The following PRRC2B variants were observed in gnomAD, a reference collection of about 807,000 sequenced individuals.
The protein encoded by PRRC2B is protein PRRC2B.
In PRRC2B, 68 loss-of-function variants were observed where a neutral mutation model predicts 242.3. The observed-to-expected ratio is 0.28, with a 90% confidence interval of 0.23 to 0.34. PRRC2B has a LOEUF of 0.34. PRRC2B is among the 10% of genes least tolerant of loss of function. PRRC2B has a pLI of 1.00. For missense variants in PRRC2B, 2,835 were observed against 2,954.8 expected (o/e 0.96, Z 0.94); for synonymous variants, 1,228 against 1,173.6 (o/e 1.05, Z -0.95).
At position 131,475,114 on chromosome 9, in the gene PRRC2B, G is replaced by A; in HGVS notation, c.2985G>A (p.Leu995=). The change falls in exon 16 of 32, where the codon CTG becomes CTA. Residue 995 remains leucine (L), a synonymous_variant. Coordinates refer to ENST00000683519, the MANE Select transcript of PRRC2B (RefSeq NM_013318.4). The part of the protein sequence containing the change: ...KDEDEENDAS[L]ANSSTTTLED... ...AGGACGAAGAGAACGATGCCTCTCT[G>A]GCCAACTCCTCCACCACCACTTTGG... 6.2e-7 allele frequency: 1 copy of A among 1,612,010 alleles called. No individual in the cohort carries two copies. Among genetic ancestry groups the A allele is most frequent in the Non-Finnish European group, 8.5e-7 (1 of 1,179,054 alleles).
intron 17 of PRRC2B, among the ~76,000 whole-genome samples, chr9:131,478,156 G>A (rs895228046): frequency 3.9e-5 from 6 of 152,288 alleles, no homozygotes; most frequent in East Asian, 3.9e-4. Context: ...TTGAATCCCC[G>A]TGACACCCTG....
chr9:131,486,233 G>GTCC, intron 26 of PRRC2B, 51 bp downstream of exon 26: 1 of 1,266,810 alleles, frequency 7.9e-7, no homozygotes, highest in Non-Finnish European at 1.1e-6. Flanking sequence ...GGAGGAGCCA[G>GTCC]TGCAGGGCGG....
intron 6 of PRRC2B, among the ~76,000 whole-genome samples, chr9:131,445,038 C>G (rs562471280): frequency 1.3e-5 from 2 of 152,176 alleles, no homozygotes; most frequent in South Asian, 4.2e-4. Context: ...TTGATGTATC[C>G]CCAAGGCCTC....
Position 131,446,935 on chromosome 9 carries a change from G to C in PRRC2B, c.856-150G>C, listed in dbSNP as rs371500417. The C allele has an allele frequency of 9.5e-7, 1 of 1,048,002 alleles. No individual in the cohort carries two copies. Among genetic ancestry groups the C allele is most frequent in the African/African-American group, 1.6e-5 (1 of 62,592 alleles). The allele number at this position is 1,048,002 out of a possible 1,614,324, so 64.9% of individuals were successfully genotyped here. A position where few individuals can be genotyped will look rare whatever the true frequency, so the allele number is the denominator to read the frequency against. On this transcript the variant is annotated intron_variant, in intron 7 of 31. Transcript: ENST00000683519. The surrounding 1 kb of genome is among the most constrained non-coding windows in gnomAD (Gnocchi z 4.1). ...ACTTACTGGCAGCAGGAATGAAATGGGGGAGATGGTGGTAGGATTAATTAG... is the reference window on the plus strand; with the variant it reads ...ACTTACTGGCAGCAGGAATGAAATGCGGGAGATGGTGGTAGGATTAATTAG...
intron 8 of PRRC2B, 68 bp downstream of exon 8, chr9:131,447,274 G>T (rs916385214): frequency 2.5e-6 from 4 of 1,582,442 alleles, no homozygotes; most frequent in Non-Finnish European, 3.5e-6. Context: ...CAAGATGAGG[G>T]GCTGATGAAT....
chr9:131,461,482 G>T (rs1162841089), intron 11 of PRRC2B, among the ~76,000 whole-genome samples: 1 of 152,170 alleles, frequency 6.6e-6, no homozygotes, highest in Non-Finnish European at 1.5e-5. Context: ...GCTGGGGAAG[G>T]GGGAGTCATG....
Position 131,476,077 on chromosome 9 carries a change from C to G in PRRC2B, c.3948C>G (p.Leu1316=). Residue 1316 remains leucine, a synonymous_variant, in exon 16 of 32, where the codon CTC becomes CTG. Transcript: ENST00000683519. ...ATAAGCCCCCTCGATTCCGGCGCCT[C>G]CGGCAAGAGCGGGAGTCCCTGGGCC... The part of the protein sequence containing the change: ...RQDKPPRFRR[L]RQERESLGLW... The G allele has an allele frequency of 6.2e-7, 1 of 1,607,670 alleles. No homozygotes were observed.
intron 9 of PRRC2B, among the ~76,000 whole-genome samples, chr9:131,448,543 C>CAGAAAAAAAAAA (rs1838884232): frequency 2.5e-5 from 1 of 39,874 alleles, no homozygotes; most frequent in Non-Finnish European, 5.3e-5. Context: ...GACACTGTCT[C>CAGAAAAAAAAAA]AAAAAAAAAA....
intron 28 of PRRC2B, among the ~76,000 whole-genome samples, chr9:131,490,222 T>C (rs74666543): frequency 0.06 from 8,953 of 148,922 alleles, 322 homozygotes; most frequent in Admixed American, 0.11. Flanking sequence ...GGCTCCCTGC[T>C]CCCCCTCACC....
intron 1 of PRRC2B, among the ~76,000 whole-genome samples, chr9:131,376,813 TC>T (rs1393345366): frequency 2.6e-5 from 4 of 152,190 alleles, no homozygotes; most frequent in Non-Finnish European, 4.4e-5. Flanking sequence ...TTGAGACCAG[TC>T]TGGGGAACAC....
At chr9:131,485,298 G>A (rs555807104) in intron 25 of PRRC2B, among the ~76,000 whole-genome samples, 158 bp downstream of exon 25, 1 of 152,348 alleles carries the variant, frequency 6.6e-6, no homozygotes, top group South Asian at 2.1e-4. Context: ...CCCATGTGCT[G>A]CAGGTAATGT....
chr9:131,427,910 T>C (rs1199994461), intron 1 of PRRC2B, among the ~76,000 whole-genome samples: 1 of 152,230 alleles, frequency 6.6e-6, no homozygotes, highest in Non-Finnish European at 1.5e-5. Flanking sequence ...ACAAGTGTTT[T>C]ATTTTTTTGT....
Position 131,487,804 on chromosome 9 carries a change from T to A in PRRC2B, c.5985-52T>A. On this transcript the variant is annotated intron_variant, in intron 27 of 31. Transcript: ENST00000683519. The surrounding 1 kb of genome is among the most constrained non-coding windows in gnomAD (Gnocchi z 5.3). ...GGGATCTCTGAAGGGTGGGACCAGA[T>A]CCGCAGCTGGACTCATCCACCTGAT... 1 of 1,568,826 alleles carries A rather than the reference T, an allele frequency of 6.4e-7. No individual in the cohort carries two copies. The highest frequency in any genetic ancestry group is 8.7e-7 in the Non-Finnish European group (1 of 1,151,080).
Position 131,484,975 on chromosome 9 carries a change from A to G in PRRC2B, c.5593A>G (p.Asn1865Asp). 6.2e-7 allele frequency: 1 copy of G among 1,613,136 alleles called. No homozygotes were observed. The highest frequency in any genetic ancestry group is 8.5e-7 in the Non-Finnish European group (1 of 1,179,414). The change falls in exon 25 of 32, where the codon AAC becomes GAC. Residue 1865 changes from asparagine (N) to aspartate (D), a missense_variant. Around this residue, in one of 7 missense-constraint regions of PRRC2B, gnomAD observed 574 missense variants for 626.0 expected, o/e 0.92. Coordinates refer to ENST00000683519, the MANE Select transcript of PRRC2B (RefSeq NM_013318.4). ...KMESARKAWE[N>D]SPSLPEQSSP... ...GGAGTCTGCGCGCAAGGCTTGGGAA[A>G]ACTCCCCCAGTTTGCCGGAGCAGAG...
intron 1 of PRRC2B, among the ~76,000 whole-genome samples, chr9:131,375,300 AAGGCAGGAGAATTGCT>A (rs1266958390): frequency 6.6e-6 from 1 of 151,866 alleles, no homozygotes; most frequent in Non-Finnish European, 1.5e-5. Flanking sequence ...TCGGGAGGCT[AAGGCAGGAGAATTGCT>A]TGAATCCGGG....
intron 1 of PRRC2B, among the ~76,000 whole-genome samples, chr9:131,407,434 C>T (rs1029809795): frequency 3.3e-5 from 5 of 152,102 alleles, no homozygotes; most frequent in Non-Finnish European, 7.4e-5. Flanking sequence ...CTTTTCCCAC[C>T]GTTCTGAAGT....
At chr9:131,466,273 T>G (rs566754041) in intron 12 of PRRC2B, among the ~76,000 whole-genome samples, 1 of 152,326 alleles carries the variant, frequency 6.6e-6, no homozygotes, top group South Asian at 2.1e-4. Flanking sequence ...AAAGGTTGAG[T>G]GAGGACTGTG....
intron 28 of PRRC2B, chr9:131,490,336 T>C (rs1280857679): frequency 4.2e-6 from 2 of 471,784 alleles, no homozygotes; most frequent in Non-Finnish European, 8.5e-6. Context: ...GTCCAGCTCC[T>C]GTAGGGACTC....
chr9:131,495,045 A>G (rs1034399876), intron 31 of PRRC2B, among the ~76,000 whole-genome samples: 2 of 152,138 alleles, frequency 1.3e-5, no homozygotes, highest in African/African-American at 4.8e-5. Flanking sequence ...CCTGGCTGGT[A>G]GAGATGGGAA....
Sources: gnomAD v4.1 joint callset for allele counts (sites outside exome capture counted in the v4.1 genomes callset) on GRCh38, gnomAD v4.1.1 for gene constraint, gnomAD v4.1.1 regional missense constraint, Gnocchi (gnomAD v3.1) non-coding constraint, MANE v1.5 for transcripts, NCBI Gene and HGNC (gene_info 2026-07-23, HGNC 2026-07-21) for gene names.